The following ITLN1 variants were observed in gnomAD, a reference collection of about 807,000 sequenced individuals.
ITLN1 encodes the protein intelectin-1.
In ITLN1, 29 loss-of-function variants were observed where a neutral mutation model predicts 36.2. That is an observed-to-expected ratio of 0.80 (90% CI 0.60 to 1.09). ITLN1 has a LOEUF of 1.09. ITLN1 is among the 50% of genes least tolerant of loss of function. The pLI is 0.00. For synonymous variants in ITLN1, 143 were observed against 146.5 expected, an observed-to-expected ratio of 0.98 and a Z score of 0.17; for missense variants, 358 against 405.2, an observed-to-expected ratio of 0.88 and a Z score of 1.00.
At chr1:160,883,286 T>A (rs971375918) in intron 3 of ITLN1, 142 bp downstream of exon 3, 8 of 565,842 alleles carry the variant, frequency 1.4e-5, no homozygotes, top group African/African-American at 5.7e-5. Flanking sequence ...GCACACTTAA[T>A]GTTGCTTAAA....
At chr1:160,877,632 C>A (rs1459564182) in intron 7 of ITLN1, among the ~76,000 whole-genome samples, 3 of 152,220 alleles carry the variant, frequency 2.0e-5, no homozygotes, top group African/African-American at 7.2e-5. Flanking sequence ...ACTCCCTCAC[C>A]CAAATGAGAA....
In ITLN1 at chr1:160,881,144, C is replaced by T. The variant is rs1308940376; in HGVS notation, c.564+10G>A. On this transcript the variant is annotated intron_variant, in intron 5 of 7. Transcript: ENST00000326245. Reference sequence around the variant, plus strand: ...CATGAAAACCAGTCCCAGCCAGCAGCCTTCTGTACCTGGTAGATGCCAAAC... The same window carrying T: ...CATGAAAACCAGTCCCAGCCAGCAGTCTTCTGTACCTGGTAGATGCCAAAC... 4 of 1,592,170 alleles carry T rather than the reference C, an allele frequency of 2.5e-6. No homozygotes were observed. The highest frequency in any genetic ancestry group is 3.4e-6 in the Non-Finnish European group (4 of 1,169,142).
In ITLN1 at chr1:160,881,310, G is replaced by C; in HGVS notation, c.408C>G (p.Asn136Lys). ...AEAATSDDYK[N>K]PGYYDIQAKD... ...TGGCCTGGATGTCGTAGTAGCCAGG[G>C]TTCTGGAAAGCAACAGACACTGAGC... Residue 136 changes from asparagine to lysine, a missense_variant and splice_region_variant, in exon 5 of 8, where the codon AAC (asparagine) becomes AAG (lysine). Coordinates refer to ENST00000326245, the MANE Select transcript of ITLN1 (RefSeq NM_017625.3). The C allele has an allele frequency of 6.3e-7, 1 of 1,588,482 alleles. No individual in the cohort carries two copies. Among genetic ancestry groups the C allele is most frequent in the Non-Finnish European group, 8.6e-7 (1 of 1,167,038 alleles).
At chr1:160,877,727 C>T (rs1338619740) in intron 7 of ITLN1, among the ~76,000 whole-genome samples, 5 of 152,186 alleles carry the variant, frequency 3.3e-5, no homozygotes, top group East Asian at 3.8e-4. Context: ...AATCTCATGT[C>T]GAATTGTAAT....
chr1:160,878,540 C>T (rs1482482710), intron 7 of ITLN1, among the ~76,000 whole-genome samples: 1 of 152,102 alleles, frequency 6.6e-6, no homozygotes, highest in East Asian at 1.9e-4. Flanking sequence ...GCATGCACCA[C>T]CACACTCGGC....
Position 160,884,869 on chromosome 1 carries a change from T to C in ITLN1, c.9A>G (p.Gln3=), listed in dbSNP as rs751071494. 3 of 1,612,490 alleles carry C rather than the reference T, an allele frequency of 1.9e-6. No homozygotes were observed. The highest frequency in any genetic ancestry group is 2.5e-6 in the Non-Finnish European group (3 of 1,178,692). ...CTATGAGAAACAGCAGGAAGCTGAG[T>C]TGGTTCATTGTAATCTAAAGAAAGC... MN[Q]LSFLLFLIAT... The change falls in exon 2 of 8, where the codon CAA becomes CAG. Residue 3 remains glutamine, a synonymous_variant. Transcript: ENST00000326245.
chr1:160,879,451 A>G, intron 6 of ITLN1, 37 bp from the exon 7 acceptor site: 1 of 1,559,734 alleles, frequency 6.4e-7, no homozygotes, highest in Non-Finnish European at 8.8e-7. Context: ...TTCAAGGAAG[A>G]TGCTAGAAAT....
At chr1:160,882,299 C>T in intron 3 of ITLN1, 95 bp from the exon 4 acceptor site, 1 of 1,466,730 alleles carries the variant, frequency 6.8e-7, no homozygotes, top group Non-Finnish European at 9.1e-7. Flanking sequence ...AGAGACATGG[C>T]CTAAAGGCTC....
chr1:160,882,324 A>T, intron 3 of ITLN1, 120 bp from the exon 4 acceptor site: 2 of 1,313,568 alleles, frequency 1.5e-6, no homozygotes, highest in Non-Finnish European at 2.1e-6. Flanking sequence ...CCTGACTCAC[A>T]TCACTAAGTG....
At chr1:160,876,867 C>A in intron 7 of ITLN1, 51 bp from the exon 8 acceptor site, 1 of 1,572,384 alleles carries the variant, frequency 6.4e-7, no homozygotes, top group Non-Finnish European at 8.7e-7. Flanking sequence ...GCCAGTGAGG[C>A]CAATGCCATC....
At chr1:160,881,068 C>A in intron 5 of ITLN1, 86 bp downstream of exon 5, 2 of 1,388,368 alleles carry the variant, frequency 1.4e-6, no homozygotes, top group Non-Finnish European at 9.8e-7. Context: ...GAGACAGACC[C>A]ATTAAAAAAT....
chr1:160,881,459 G>T, intron 4 of ITLN1, 147 bp from the exon 5 acceptor site: 1 of 856,790 alleles, frequency 1.2e-6, no homozygotes. Context: ...ACTCCCAGCC[G>T]ATGATCCCAC....
Position 160,876,797 on chromosome 1 carries a change from C to T in ITLN1, c.809G>A (p.Gly270Glu). The T allele has an allele frequency of 2.5e-6, 4 of 1,614,154 alleles. No homozygotes were observed. Among genetic ancestry groups the T allele is most frequent in the Non-Finnish European group, 3.4e-6 (4 of 1,180,002 alleles). ...NTEHHCIGGG[G>E]YFPEASPQQC... Reference sequence around the variant, plus strand: ...CTGGGGACTGGCCTCTGGAAAGTATCCTCCTCCACCAATGCAGTGCTGGGA... The same window carrying T: ...CTGGGGACTGGCCTCTGGAAAGTATTCTCCTCCACCAATGCAGTGCTGGGA... Residue 270 changes from glycine (G) to glutamate (E), a missense_variant, in exon 8 of 8, where the codon GGA becomes GAA. Gly to Glu is a moderately conservative substitution (Grantham distance 98, BLOSUM62 -2). Coordinates refer to ENST00000326245, the MANE Select transcript of ITLN1 (RefSeq NM_017625.3).
Position 160,876,704 on chromosome 1 carries a change from CG to C in ITLN1, c.901del (p.Arg301ValfsTer3). The C allele has an allele frequency of 6.2e-7, 1 of 1,614,220 alleles. No individual in the cohort carries two copies. The highest frequency in any genetic ancestry group is 2.2e-5 in the East Asian group (1 of 44,886). On this transcript the variant is annotated frameshift_variant, in exon 8 of 8. Coordinates refer to ENST00000326245, the MANE Select transcript of ITLN1 (RefSeq NM_017625.3). LOFTEE classifies it high-confidence loss of function. ...AAGCACAGCTGCCTCAGTTATCTCA[CG>C]GCTGCTGCTGTAACCAACATGAGTT... ...YGTHVGYSSS[R>X]EITEAAVLLF... is the part of the protein sequence containing the mutation.
chr1:160,883,486 C>A lies in ITLN1; in HGVS notation c.99G>T (p.Ser33=). The change falls in exon 3 of 8, where the codon TCG becomes TCT. Residue 33 remains serine, a synonymous_variant. Coordinates refer to ENST00000326245, the MANE Select transcript of ITLN1 (RefSeq NM_017625.3). ...NTYFKEWTCS[S]SPSLPRSCKE... The stretch of plus-strand genomic sequence containing the variant: ...TGCAGCTTCTGGGCAGAGATGGAGA[C>A]GAAGAACAGGTCCATTCCTTGAAGT... 6.2e-7 allele frequency: 1 copy of A among 1,613,466 alleles called. No individual in the cohort carries two copies. Among genetic ancestry groups the A allele is most frequent in the Non-Finnish European group, 8.5e-7 (1 of 1,179,486 alleles).
At chr1:160,879,920 A>AT (rs545030259) in intron 6 of ITLN1, among the ~76,000 whole-genome samples, 2 of 152,146 alleles carry the variant, frequency 1.3e-5, no homozygotes, top group Non-Finnish European at 2.9e-5. Context: ...AAGTCTCGCC[A>AT]TTTTTTTGGT....
chr1:160,881,869 C>T, intron 4 of ITLN1, 88 bp downstream of exon 4: 2 of 1,595,340 alleles, frequency 1.3e-6, no homozygotes, highest in Middle Eastern at 1.7e-4. Flanking sequence ...TCCCACACCC[C>T]TACCTTCCAG....
intron 3 of ITLN1, among the ~76,000 whole-genome samples, chr1:160,882,446 G>T (rs1670697151): frequency 6.6e-6 from 1 of 152,094 alleles, no homozygotes; most frequent in Non-Finnish European, 1.5e-5. Flanking sequence ...GTTAAACATG[G>T]AATTATTGTA....
At position 160,884,861 on chromosome 1, in the gene ITLN1, A is replaced by G. The variant is rs1484820659; in HGVS notation, c.17T>C (p.Phe6Ser). Reference protein sequence around the residue: MNQLSFLLFLIATTRG... With the variant: MNQLSSLLFLIATTRG... Reference sequence around the variant, plus strand: ...GGTGGTCGCTATGAGAAACAGCAGGAAGCTGAGTTGGTTCATTGTAATCTA... The same window carrying G: ...GGTGGTCGCTATGAGAAACAGCAGGGAGCTGAGTTGGTTCATTGTAATCTA... The change falls in exon 2 of 8, where the codon TTC (phenylalanine) becomes TCC (serine). Residue 6 changes from phenylalanine to serine, a missense_variant. Phe to Ser is a radical substitution (Grantham distance 155). Coordinates refer to ENST00000326245, the MANE Select transcript of ITLN1 (RefSeq NM_017625.3). 2 of 1,613,124 alleles carry G rather than the reference A, an allele frequency of 1.2e-6. No individual in the cohort carries two copies. The highest frequency in any genetic ancestry group is 2.2e-5 in the South Asian group (2 of 91,024).
Sources: allele counts gnomAD v4.1 joint callset (sites outside exome capture counted in the v4.1 genomes callset), GRCh38; gene constraint gnomAD v4.1.1; transcripts MANE v1.5; gene names NCBI Gene and HGNC (gene_info 2026-07-23, HGNC 2026-07-21).